Variants in KCNQ1 observed in about 807,000 individuals in gnomAD.
The protein encoded by KCNQ1 is potassium voltage-gated channel subfamily KQT member 1.
Under a neutral mutation model 72.4 loss-of-function variants are expected in KCNQ1, and 49 were observed. The observed-to-expected ratio is 0.68, with a 90% CI of 0.54 to 0.86. KCNQ1 has a LOEUF of 0.86. KCNQ1 is among the 40% of genes least tolerant of loss of function. The probability of loss-of-function intolerance (pLI) is 0.00; values close to 1 mark genes in which losing one functional copy is unlikely to be tolerated. For missense variants in KCNQ1, 790 were observed against 945.1 expected (o/e 0.84, Z 2.15); for synonymous variants, 450 against 412.6 (o/e 1.09, Z -1.10).
chr11:2,686,692 C>G (rs1057456935), intron 11 of KCNQ1: 1 of 398,518 alleles, frequency 2.5e-6, no homozygotes, highest in African/African-American at 2.1e-5. Flanking sequence ...ATGACAAACC[C>G]ATGTTCAAGG....
chr11:2,837,709 G>T (rs1024353676), intron 15 of KCNQ1, among the ~76,000 whole-genome samples: 2 of 152,224 alleles, frequency 1.3e-5, no homozygotes, highest in African/African-American at 4.8e-5. Flanking sequence ...GGGGCCTGGA[G>T]AATGAGAAGG....
rs1378370601 is a variant in KCNQ1, at chr11:2,526,814, G to A, written c.387-1114G>A. On this transcript the variant is annotated intron_variant, in intron 1 of 15. Transcript: ENST00000155840. The surrounding 1 kb of genome is among the most constrained non-coding windows in gnomAD (Gnocchi z 6.1). Reference sequence around the variant, plus strand: ...GGTGGGTTAGAAGCCACTCAGGATGGCAGGATCTCAGGGAGCGGAGGGAGC... The same window carrying A: ...GGTGGGTTAGAAGCCACTCAGGATGACAGGATCTCAGGGAGCGGAGGGAGC... Among the ~76,000 whole-genome samples the A allele has an allele frequency of 1.3e-5, 2 of 152,098 alleles. No individual in the cohort carries two copies. The highest frequency in any genetic ancestry group is 1.5e-5 in the Non-Finnish European group (1 of 67,982).
intron 11 of KCNQ1, chr11:2,689,454 C>G (rs1375831004): frequency 1.8e-5 from 7 of 398,532 alleles, no homozygotes; most frequent in Non-Finnish European, 3.1e-5. Context: ...AATGACACTC[C>G]CAGAGACCTC....
chr11:2,643,467 A>T (rs1849610975), intron 10 of KCNQ1: 1 of 398,274 alleles, frequency 2.5e-6, no homozygotes, highest in Non-Finnish European at 4.4e-6. Flanking sequence ...ATGAAAGTAT[A>T]GCTACTCCTG....
rs547079484 is a variant in KCNQ1, at chr11:2,466,422, T to G, written c.386+20938T>G. Among the ~76,000 whole-genome samples, 9 of 152,232 alleles carry G rather than the reference T, an allele frequency of 5.9e-5. No individual in the cohort carries two copies. The South Asian group carries it at 1.4e-3, about 24-fold the overall frequency. ...AGTGAGTTTTGAGGGAACACAGTGC[T>G]GGGGGTCCCCTCCTGGGCCTGGGGC... On this transcript the variant is annotated intron_variant, in intron 1 of 15. Coordinates refer to ENST00000155840, the MANE Select transcript of KCNQ1 (RefSeq NM_000218.3).
chr11:2,468,232 G>A lies in KCNQ1; in HGVS notation c.386+22748G>A, dbSNP rs568973755. Among the ~76,000 whole-genome samples, 4 of 152,032 alleles carry A rather than the reference G, an allele frequency of 2.6e-5. No homozygotes were observed. The highest frequency in any genetic ancestry group is 5.9e-5 in the Non-Finnish European group (4 of 68,006). On this transcript the variant is annotated intron_variant, in intron 1 of 15. Transcript: ENST00000155840. This position sits in a 1 kb window ranked among gnomAD's most constrained non-coding sequence, Gnocchi z 5.7. ...TGTGATCTTGGTTCACTGCAGCCTC[G>A]ACCTCCCTGGCTCAAGAGATCCTCC...
In KCNQ1 at chr11:2,458,633, C is replaced by CTGGATGGATGGA. The variant is rs36157752; in HGVS notation, c.386+13191_386+13202dup. 4.2e-3 allele frequency among the ~76,000 whole-genome samples: 632 copies of CTGGATGGATGGA among 149,926 alleles called. 1 individual carries two copies. Among genetic ancestry groups the CTGGATGGATGGA allele is most frequent in the African/African-American group, 7.5e-3 (309 of 41,042 alleles). On this transcript the variant is annotated intron_variant, in intron 1 of 15. Transcript: ENST00000155840. This position sits in a 1 kb window ranked among gnomAD's most constrained non-coding sequence, Gnocchi z 4.6. ...GCTCCCATCCACAATGCTTCCTTGCCTGGATGGATGGATGGATGGATGGAT... is the reference window on the plus strand; with the variant it reads ...GCTCCCATCCACAATGCTTCCTTGCCTGGATGGATGGATGGATGGATGGATGGATGGATGGAT...
intron 2 of KCNQ1, among the ~76,000 whole-genome samples, chr11:2,540,476 C>T (rs776511450): frequency 3.9e-5 from 6 of 152,306 alleles, no homozygotes; most frequent in East Asian, 1.9e-4. Flanking sequence ...TTCTTTCTCC[C>T]GGGTATAAAA....
In KCNQ1 at chr11:2,602,387, A is replaced by G. The variant is rs182966351; in HGVS notation, c.1393+13533A>G. ...TAAGGATGACATGAATATTCTTGTAAGGTTCTTGTGTGAACATAAGTTTTT... is the reference window on the plus strand; with the variant it reads ...TAAGGATGACATGAATATTCTTGTAGGGTTCTTGTGTGAACATAAGTTTTT... On this transcript the variant is annotated intron_variant, in intron 10 of 15. Transcript: ENST00000155840. This position sits in a 1 kb window ranked among gnomAD's most constrained non-coding sequence, Gnocchi z 4.8. Among the ~76,000 whole-genome samples the G allele has an allele frequency of 1.5e-3, 221 of 152,302 alleles. 1 individual carries two copies. The highest frequency in any genetic ancestry group is 5.0e-3 in the African/African-American group (206 of 41,566).
intron 15 of KCNQ1, among the ~76,000 whole-genome samples, chr11:2,836,961 C>T (rs1188376780): frequency 2.0e-5 from 3 of 152,194 alleles, no homozygotes; most frequent in Admixed American, 6.5e-5. Context: ...TGTACACAGA[C>T]TAATTTTGAA....
At chr11:2,836,760 T>C (rs1257136252) in intron 15 of KCNQ1, among the ~76,000 whole-genome samples, 2 of 152,220 alleles carry the variant, frequency 1.3e-5, no homozygotes, top group African/African-American at 4.8e-5. Context: ...TAAACCTCGC[T>C]GACCAGGCAG....
chr11:2,722,811 C>T (rs1845691521), intron 11 of KCNQ1, among the ~76,000 whole-genome samples: 1 of 152,146 alleles, frequency 6.6e-6, no homozygotes, highest in Admixed American at 6.5e-5. Flanking sequence ...CCCTCTACCC[C>T]ACCAGGCTCA....
intron 15 of KCNQ1, among the ~76,000 whole-genome samples, chr11:2,835,037 C>A (rs571829210): frequency 5.3e-5 from 8 of 152,116 alleles, no homozygotes; most frequent in Non-Finnish European, 8.8e-5. Flanking sequence ...GTCCTAGGAG[C>A]CAGAAGCGGG....
intron 15 of KCNQ1, among the ~76,000 whole-genome samples, chr11:2,834,016 G>A (rs1564910092): frequency 1.3e-5 from 2 of 152,364 alleles, no homozygotes; most frequent in South Asian, 4.1e-4. Context: ...CACAAGGAGT[G>A]CAGCCAGGGG....
rs962687786 is a variant in KCNQ1 at position 2,713,699 on chromosome 11, G to A, written c.1514+51618G>A. On this transcript the variant is annotated intron_variant, in intron 11 of 15. Coordinates refer to ENST00000155840, the MANE Select transcript of KCNQ1 (RefSeq NM_000218.3). This position sits in a 1 kb window ranked among gnomAD's most constrained non-coding sequence, Gnocchi z 5.6. ...GGCCTCTGGCCGAGCTGGGTTGCAG[G>A]AGAAGCCAAGTGCCGGGTGAAGGCC... Among the ~76,000 whole-genome samples, 9 of 152,216 alleles carry A rather than the reference G, an allele frequency of 5.9e-5. No homozygotes were observed. The highest frequency in any genetic ancestry group is 2.0e-4 in the Admixed American group (3 of 15,286).
chr11:2,699,564 C>T (rs1850743433), intron 11 of KCNQ1: 2 of 297,206 alleles, frequency 6.7e-6, no homozygotes, highest in Non-Finnish European at 5.6e-6. Flanking sequence ...GGAGGAGAAC[C>T]ATGCTGAGGA....
At chr11:2,833,557 C>G (rs1847997634) in intron 15 of KCNQ1, among the ~76,000 whole-genome samples, 1 of 152,234 alleles carries the variant, frequency 6.6e-6, no homozygotes, top group Non-Finnish European at 1.5e-5. Flanking sequence ...CACTGCTGCC[C>G]CGCCAGCAAC....
chr11:2,722,509 C>G (rs1033694713), intron 11 of KCNQ1, among the ~76,000 whole-genome samples: 1 of 152,108 alleles, frequency 6.6e-6, no homozygotes, highest in Non-Finnish European at 1.5e-5. Context: ...CCAGGAGGAG[C>G]TTTTTCTAAG....
In KCNQ1 at chr11:2,624,865, C is replaced by T. The variant is rs554980177; in HGVS notation, c.1393+36011C>T. The T allele has an allele frequency of 7.0e-5, 28 of 398,428 alleles. No homozygotes were observed. The highest frequency in any genetic ancestry group is 1.2e-4 in the Non-Finnish European group (27 of 226,066). 24.7% of individuals were successfully genotyped at this position (398,428 alleles called of 1,614,324 possible). A position where few individuals can be genotyped will look rare whatever the true frequency, so the allele number is the denominator to read the frequency against. ...TTCTCTTCTTGTGACTGCTGTATTT[C>T]ATTTAACATAATGGCCTCGAGGTTC... On this transcript the variant is annotated intron_variant, in intron 10 of 15. Transcript: ENST00000155840. This position sits in a 1 kb window ranked among gnomAD's most constrained non-coding sequence, Gnocchi z 4.9.
Sources: gnomAD v4.1 joint callset for allele counts (sites outside exome capture counted in the v4.1 genomes callset) on GRCh38, gnomAD v4.1.1 for gene constraint, Gnocchi (gnomAD v3.1) non-coding constraint, MANE v1.5 for transcripts, NCBI Gene and HGNC (gene_info 2026-07-23, HGNC 2026-07-21) for gene names.